The following HIPK2 variants were observed in gnomAD, a reference collection of about 807,000 sequenced individuals.
The protein encoded by HIPK2 is homeodomain interacting protein kinase 2.
HIPK2 carries 27 observed loss-of-function variants against 113.7 expected under a neutral mutation model. That is an observed-to-expected ratio of 0.24 (90% CI 0.17 to 0.33). HIPK2 has a LOEUF of 0.33. Ranked by LOEUF, HIPK2 falls within the 10% of genes least tolerant of loss-of-function variation. HIPK2 has a pLI of 1.00. For synonymous variants in HIPK2, 631 were observed against 642.2 expected (o/e 0.98, Z 0.26); for missense variants, 1,257 against 1,588.0 (o/e 0.79, Z 3.54).
intron 2 of HIPK2, among the ~76,000 whole-genome samples, chr7:139,678,918 T>C (rs1307056190): frequency 6.6e-6 from 1 of 152,194 alleles, no homozygotes; most frequent in Non-Finnish European, 1.5e-5. Context: ...ATTCTCTTTA[T>C]AGCAATTGTG....
In HIPK2 at chr7:139,631,795, A is replaced by G; in HGVS notation, c.1104-70T>C. On this transcript the variant is annotated intron_variant, in intron 2 of 14. Transcript: ENST00000406875. This position sits in a 1 kb window ranked among gnomAD's most constrained non-coding sequence, Gnocchi z 4.9. ...AGGAAGCTGTTTCTATATGAATACTATCTTTCAAACCTGGGGTGCCATTAC... is the reference window on the plus strand; with the variant it reads ...AGGAAGCTGTTTCTATATGAATACTGTCTTTCAAACCTGGGGTGCCATTAC... The G allele has an allele frequency of 6.6e-7, 1 of 1,515,264 alleles. No individual in the cohort carries two copies. Among genetic ancestry groups the G allele is most frequent in the South Asian group, 1.3e-5 (1 of 76,542 alleles). 93.9% of individuals were successfully genotyped at this position (1,515,264 alleles called of 1,614,324 possible). A position where few individuals can be genotyped will look rare whatever the true frequency, so the allele number is the denominator to read the frequency against.
chr7:139,672,064 A>G (rs779433994), intron 2 of HIPK2, among the ~76,000 whole-genome samples: 44 of 135,094 alleles, frequency 3.3e-4, no homozygotes, highest in Non-Finnish European at 5.1e-4. Flanking sequence ...AGTTTCTTAT[A>G]GTTTATGTCT....
chr7:139,587,543 C>G (rs1009659263), intron 12 of HIPK2, among the ~76,000 whole-genome samples: 1 of 149,790 alleles, frequency 6.7e-6, no homozygotes, highest in Non-Finnish European at 1.5e-5. Flanking sequence ...TTGGGCACTT[C>G]GCCGCTGTAC....
chr7:139,574,450 C>G (rs142774748), intron 14 of HIPK2, among the ~76,000 whole-genome samples: 1,769 of 152,302 alleles, frequency 0.012, 11 homozygotes, highest in Non-Finnish European at 0.018. Flanking sequence ...CCCTCTTCTA[C>G]CTGGTGAACC....
chr7:139,711,165 C>T (rs112788821), intron 2 of HIPK2, among the ~76,000 whole-genome samples: 2,053 of 152,076 alleles, frequency 0.013, 47 homozygotes, highest in African/African-American at 0.046. Context: ...TGGTGGCTCA[C>T]GCCTGTAATC....
At chr7:139,648,274 ACTCTTT>A (rs1363628895) in intron 2 of HIPK2, among the ~76,000 whole-genome samples, 1 of 152,112 alleles carries the variant, frequency 6.6e-6, no homozygotes, top group Non-Finnish European at 1.5e-5. Context: ...ATTCTGCCTA[ACTCTTT>A]AGTAAGTCTT....
intron 1 of HIPK2, among the ~76,000 whole-genome samples, chr7:139,738,678 A>G (rs760258771): frequency 2.0e-5 from 3 of 152,216 alleles, no homozygotes; most frequent in African/African-American, 2.4e-5. Context: ...GGGTGAAGTG[A>G]TAACAGGAAA....
intron 13 of HIPK2, among the ~76,000 whole-genome samples, chr7:139,582,863 C>T (rs80060909): frequency 0.094 from 14,383 of 152,274 alleles, 727 homozygotes; most frequent in Middle Eastern, 0.11. Context: ...CCTGCCTCTA[C>T]GCTTCATCCT....
chr7:139,624,198 A>G (rs930674299), intron 6 of HIPK2, among the ~76,000 whole-genome samples: 6 of 152,032 alleles, frequency 3.9e-5, no homozygotes, highest in Non-Finnish European at 8.8e-5. Flanking sequence ...TAATTTTTGT[A>G]TTTTTAGTAG....
intron 13 of HIPK2, among the ~76,000 whole-genome samples, chr7:139,582,976 T>C (rs1053263362): frequency 6.6e-6 from 1 of 152,252 alleles, no homozygotes; most frequent in South Asian, 2.1e-4. Flanking sequence ...GTGACAGACA[T>C]GAGGTCCTCC....
intron 1 of HIPK2, among the ~76,000 whole-genome samples, chr7:139,724,584 GGTTA>G (rs1325569650): frequency 6.6e-6 from 1 of 151,804 alleles, no homozygotes; most frequent in East Asian, 1.9e-4. Context: ...ACAATGTGCA[GGTTA>G]GTTACATATG....
chr7:139,576,071 C>CTA (rs1798480073), intron 13 of HIPK2, among the ~76,000 whole-genome samples: 2 of 152,238 alleles, frequency 1.3e-5, no homozygotes, highest in African/African-American at 4.8e-5. Context: ...CCATGGGTGA[C>CTA]TATGAGTATC....
chr7:139,655,645 C>T (rs554711370), intron 2 of HIPK2, among the ~76,000 whole-genome samples: 12 of 152,266 alleles, frequency 7.9e-5, no homozygotes, highest in East Asian at 1.9e-4. Flanking sequence ...CACTGATGGA[C>T]GCACAAGTGG....
intron 6 of HIPK2, among the ~76,000 whole-genome samples, chr7:139,625,723 T>C (rs1800402560): frequency 6.6e-6 from 1 of 152,330 alleles, no homozygotes; most frequent in African/African-American, 2.4e-5. Flanking sequence ...CACCTGATAC[T>C]TGTCCTCATA....
intron 2 of HIPK2, among the ~76,000 whole-genome samples, chr7:139,687,336 A>C (rs1182502472): frequency 1.3e-5 from 2 of 152,200 alleles, no homozygotes; most frequent in African/African-American, 2.4e-5. Context: ...TTGCACACAA[A>C]GACTACACTA....
At chr7:139,598,445 G>GC (rs1371816808) in intron 11 of HIPK2, among the ~76,000 whole-genome samples, 1 of 152,070 alleles carries the variant, frequency 6.6e-6, no homozygotes, top group African/African-American at 2.4e-5. Flanking sequence ...ATTTGTCGTT[G>GC]CTAATACATT....
chr7:139,761,491 G>A (rs1261961515), intron 1 of HIPK2, among the ~76,000 whole-genome samples: 1 of 152,190 alleles, frequency 6.6e-6, no homozygotes, highest in Non-Finnish European at 1.5e-5. Context: ...GTGAGATCTA[G>A]TCAAAAACAA....
At chr7:139,719,468 T>A (rs1352980081) in intron 1 of HIPK2, among the ~76,000 whole-genome samples, 1 of 152,122 alleles carries the variant, frequency 6.6e-6, no homozygotes, top group Non-Finnish European at 1.5e-5. Flanking sequence ...GCAGCTATCA[T>A]CCATTCAAGC....
intron 2 of HIPK2, among the ~76,000 whole-genome samples, chr7:139,671,822 A>G (rs908593875): frequency 2.6e-5 from 4 of 152,228 alleles, no homozygotes; most frequent in Non-Finnish European, 5.9e-5. Flanking sequence ...TGCTGGGATT[A>G]TAGGTGTGCG....
Sources: allele counts gnomAD v4.1 joint callset (sites outside exome capture counted in the v4.1 genomes callset), GRCh38; gene constraint gnomAD v4.1.1; non-coding constraint Gnocchi (gnomAD v3.1); transcripts MANE v1.5; gene names NCBI Gene and HGNC (gene_info 2026-07-23, HGNC 2026-07-21).